Variants in VAV2 observed in about 807,000 individuals in gnomAD.
VAV2 encodes guanine nucleotide exchange factor VAV2.
In VAV2, 67 loss-of-function variants were observed where a neutral mutation model predicts 132.5. That is an observed-to-expected ratio of 0.51 (90% CI 0.42 to 0.62). The LOEUF (loss-of-function observed/expected upper bound fraction) is 0.62, where lower values mean the gene tolerates loss of function less well. Among genes scored for constraint, VAV2 ranks in the 20% least tolerant of loss-of-function variants. The pLI, the probability that VAV2 is intolerant of heterozygous loss-of-function variation, is 0.00. For synonymous variants in VAV2, 492 were observed against 443.5 expected (o/e 1.11, Z -1.37); for missense variants, 938 against 1,153.6 (o/e 0.81, Z 2.71).
At chr9:133,956,016 C>T (rs1293225688) in intron 1 of VAV2, among the ~76,000 whole-genome samples, 1 of 151,550 alleles carries the variant, frequency 6.6e-6, no homozygotes, top group East Asian at 2.0e-4. Context: ...TCCCTGCTTA[C>T]TCGCAGAGTC....
At chr9:133,965,266 TC>T (rs1842106105) in intron 1 of VAV2, among the ~76,000 whole-genome samples, 1 of 151,606 alleles carries the variant, frequency 6.6e-6, no homozygotes, top group Non-Finnish European at 1.5e-5. Context: ...GGTGGGCAGA[TC>T]ACCTGAGGTC....
intron 1 of VAV2, among the ~76,000 whole-genome samples, chr9:133,940,708 T>TGTGTGTGTGTGTG (rs59859289): frequency 6.7e-5 from 10 of 149,820 alleles, no homozygotes; most frequent in Admixed American, 2.0e-4. Flanking sequence ...TGTGTGTGTG[T>TGTGTGTGTGTGTG]TTCTGAACAC....
chr9:133,845,360 G>A lies in VAV2; in HGVS notation c.381-11020C>T, dbSNP rs139170260. ...GCAGACCTTCCTCCAGCAAACACTC[G>A]GAAGCTGGGAGCTGCAGGCAGGATC... On this transcript the variant is annotated intron_variant, in intron 3 of 29. Coordinates refer to ENST00000371850, the MANE Select transcript of VAV2 (RefSeq NM_001134398.2). Among the ~76,000 whole-genome samples the A allele has an allele frequency of 2.5e-3, 377 of 152,358 alleles. 1 individual carries two copies. Among genetic ancestry groups the A allele is most frequent in the Admixed American group, 4.1e-3 (62 of 15,306 alleles).
At chr9:133,956,192 A>G (rs10993876) in intron 1 of VAV2, among the ~76,000 whole-genome samples, 24,295 of 151,894 alleles carry the variant, frequency 0.16, 2,393 homozygotes, top group Non-Finnish European at 0.22. Context: ...TCACAGGGAG[A>G]GAGGGAGGGA....
At chr9:133,805,387 G>T (rs987945441) in intron 9 of VAV2, among the ~76,000 whole-genome samples, 7 of 152,292 alleles carry the variant, frequency 4.6e-5, no homozygotes, top group Middle Eastern at 6.8e-3. Flanking sequence ...GGATCCCCGA[G>T]GGACAGAGAG....
chr9:133,780,865 A>G (rs1427608340), intron 19 of VAV2, among the ~76,000 whole-genome samples, 155 bp from the exon 20 acceptor site: 1 of 152,226 alleles, frequency 6.6e-6, no homozygotes, highest in African/African-American at 2.4e-5. Flanking sequence ...GATCATGGAC[A>G]CACAGGTCCG....
chr9:133,875,244 G>A (rs974020494), intron 2 of VAV2, among the ~76,000 whole-genome samples: 24 of 152,194 alleles, frequency 1.6e-4, no homozygotes, highest in East Asian at 1.9e-4. Flanking sequence ...GGCCAGAGCC[G>A]AGTGCCGAAC....
intron 1 of VAV2, among the ~76,000 whole-genome samples, chr9:133,955,875 C>T (rs1381365319): frequency 6.9e-6 from 1 of 144,308 alleles, no homozygotes; most frequent in Admixed American, 7.0e-5. Context: ...CTAAACCCTC[C>T]AGCTCAGGCT....
chr9:133,827,509 T>C lies in VAV2; in HGVS notation c.449+6763A>G, dbSNP rs141032444. Among the ~76,000 whole-genome samples, 71 of 24,830 alleles carry C rather than the reference T, an allele frequency of 2.9e-3. 17 individuals are homozygous for C. The highest frequency in any genetic ancestry group is 0.016 in the African/African-American group (34 of 2,082). 16.3% of individuals were successfully genotyped at this position (24,830 alleles called of 152,430 possible). A position where few individuals can be genotyped will look rare whatever the true frequency, so the allele number is the denominator to read the frequency against. The stretch of plus-strand genomic sequence containing the variant: ...ACTGAGTGGGGGCATCGCCAGCTAC[T>C]GCTGTGCCCACTGGGGCTGACCACT... On this transcript the variant is annotated intron_variant, in intron 4 of 29. Coordinates refer to ENST00000371850, the MANE Select transcript of VAV2 (RefSeq NM_001134398.2).
rs1843018615 is a variant in VAV2, at chr9:133,991,560, C to A, written c.204+515G>T. 6.6e-6 allele frequency among the ~76,000 whole-genome samples: 1 copy of A among 151,858 alleles called. No individual in the cohort carries two copies. Among genetic ancestry groups the A allele is most frequent in the Admixed American group, 6.6e-5 (1 of 15,248 alleles). ...GCCGGCGAGGGGGCGGTGCCCGGGG[C>A]CAACCCAGCTCCCTCCGGCCCCGAG... is the stretch of plus-strand genomic sequence containing the variant. On this transcript the variant is annotated intron_variant, in intron 1 of 29. Transcript: ENST00000371850. This position sits in a 1 kb window ranked among gnomAD's most constrained non-coding sequence, Gnocchi z 4.8.
Position 133,908,055 on chromosome 9 carries a change from CG to C in VAV2, c.321+31047del, listed in dbSNP as rs1390546998. Among the ~76,000 whole-genome samples, 436 of 131,364 alleles carry C rather than the reference CG, an allele frequency of 3.3e-3. 12 individuals are homozygous for C. Among genetic ancestry groups the C allele is most frequent in the African/African-American group, 0.012 (399 of 34,122 alleles). 86.2% of individuals were successfully genotyped at this position (131,364 alleles called of 152,430 possible). A position where few individuals can be genotyped will look rare whatever the true frequency, so the allele number is the denominator to read the frequency against. On this transcript the variant is annotated intron_variant, in intron 2 of 29. Coordinates refer to ENST00000371850, the MANE Select transcript of VAV2 (RefSeq NM_001134398.2). ...GTCTGAAGGCGCCCCTCCCACCCCA[CG>C]CCCCCTACCTTCTCTGCCTTCCCCC...
chr9:133,982,396 A>C (rs1186303819), intron 1 of VAV2, among the ~76,000 whole-genome samples: 1 of 151,592 alleles, frequency 6.6e-6, no homozygotes, highest in Non-Finnish European at 1.5e-5. Flanking sequence ...GGCACGGCCA[A>C]CCAGGCTGGC....
chr9:133,954,479 C>T (rs1054254692), intron 1 of VAV2, among the ~76,000 whole-genome samples: 20 of 152,266 alleles, frequency 1.3e-4, no homozygotes, highest in Admixed American at 1.1e-3. Flanking sequence ...AGCAGCACAT[C>T]GCAAGTGCGC....
chr9:133,929,337 C>T (rs1184837786), intron 2 of VAV2, among the ~76,000 whole-genome samples: 10 of 152,074 alleles, frequency 6.6e-5, no homozygotes, highest in Non-Finnish European at 1.2e-4. Context: ...AACCGGGGAG[C>T]AGATGGGAAG....
In VAV2 at chr9:133,969,799, C is replaced by T. The variant is rs1380417263; in HGVS notation, c.204+22276G>A. Among the ~76,000 whole-genome samples, 3 of 152,082 alleles carry T rather than the reference C, an allele frequency of 2.0e-5. No individual in the cohort carries two copies. Among genetic ancestry groups the T allele is most frequent in the Admixed American group, 6.5e-5 (1 of 15,280 alleles). ...TCTCCCCACCCCCCAGCCTGGACACCCCCATCTGCCTCTGCCCCAGCCTCT... is the reference window on the plus strand; with the variant it reads ...TCTCCCCACCCCCCAGCCTGGACACTCCCATCTGCCTCTGCCCCAGCCTCT... On this transcript the variant is annotated intron_variant, in intron 1 of 29. Transcript: ENST00000371850. This position sits in a 1 kb window ranked among gnomAD's most constrained non-coding sequence, Gnocchi z 5.1.
intron 2 of VAV2, among the ~76,000 whole-genome samples, chr9:133,873,925 G>A (rs909638556): frequency 1.2e-4 from 18 of 152,186 alleles, no homozygotes; most frequent in African/African-American, 3.6e-4. Context: ...TCCCAGACAC[G>A]GCGTCCTCCA....
At position 133,788,213 on chromosome 9, in the gene VAV2, A is replaced by C; in HGVS notation, c.1407+141T>G. 1 of 1,151,502 alleles carries C rather than the reference A, an allele frequency of 8.7e-7. No individual in the cohort carries two copies. Among genetic ancestry groups the C allele is most frequent in the Non-Finnish European group, 1.2e-6 (1 of 815,838 alleles). The allele number at this position is 1,151,502 out of a possible 1,614,324, so 71.3% of individuals were successfully genotyped here. Reference sequence around the variant, plus strand: ...GACTCAGAGAGGAGCCTTCCTGCAGAGCGGAGACGCCCACCCCAACCCACC... The same window carrying C: ...GACTCAGAGAGGAGCCTTCCTGCAGCGCGGAGACGCCCACCCCAACCCACC... On this transcript the variant is annotated intron_variant, in intron 15 of 29. Coordinates refer to ENST00000371850, the MANE Select transcript of VAV2 (RefSeq NM_001134398.2). This position sits in a 1 kb window ranked among gnomAD's most constrained non-coding sequence, Gnocchi z 5.3.
chr9:133,989,762 C>G (rs1588237067), intron 1 of VAV2, among the ~76,000 whole-genome samples: 1 of 152,076 alleles, frequency 6.6e-6, no homozygotes, highest in Non-Finnish European at 1.5e-5. Context: ...CTCCCAACCC[C>G]TGTGTGCAGC....
chr9:133,881,362 G>A (rs562408719), intron 2 of VAV2, among the ~76,000 whole-genome samples: 1 of 152,238 alleles, frequency 6.6e-6, no homozygotes. Flanking sequence ...GACGGGGCTT[G>A]TGAACAGGAC....
Sources: allele counts gnomAD v4.1 joint callset (sites outside exome capture counted in the v4.1 genomes callset), GRCh38; gene constraint gnomAD v4.1.1; non-coding constraint Gnocchi (gnomAD v3.1); transcripts MANE v1.5; gene names NCBI Gene and HGNC (gene_info 2026-07-23, HGNC 2026-07-21).